The following MAF variants were observed in gnomAD, a reference collection of about 807,000 sequenced individuals.
The protein encoded by MAF is transcription factor Maf.
Under a neutral mutation model 22.0 loss-of-function variants are expected in MAF, and 10 were observed. The observed-to-expected ratio is 0.45, with a 90% confidence interval of 0.28 to 0.77. MAF has a LOEUF of 0.77. Ranked by LOEUF, MAF falls within the 30% of genes least tolerant of loss-of-function variation. The probability of loss-of-function intolerance (pLI) is 0.12; values close to 1 mark genes in which losing one functional copy is unlikely to be tolerated. For missense variants in MAF, 544 were observed against 548.4 expected (o/e 0.99, Z 0.08); for synonymous variants, 337 against 255.8 (o/e 1.32, Z -3.03).
chr16:79,546,502 T>C, the MAF span, among the ~76,000 whole-genome samples: 1 of 152,224 alleles, frequency 6.6e-6, no homozygotes, highest in Non-Finnish European at 1.5e-5. Context: ...AGCGTTCATC[T>C]TTATGGAAAT....
the MAF span, among the ~76,000 whole-genome samples, chr16:79,346,898 C>A: frequency 2.6e-5 from 4 of 152,124 alleles, no homozygotes; most frequent in African/African-American, 9.7e-5. Flanking sequence ...TAAGATTTAA[C>A]CTGCAGTCAA....
At chr16:79,558,291 G>C in the MAF span, among the ~76,000 whole-genome samples, 1 of 152,098 alleles carries the variant, frequency 6.6e-6, no homozygotes, top group African/African-American at 2.4e-5. Context: ...ACTATAAAGA[G>C]AAAGAAGAAA....
At chr16:79,478,973 C>T in the MAF span, among the ~76,000 whole-genome samples, 4 of 152,098 alleles carry the variant, frequency 2.6e-5, no homozygotes, top group Admixed American at 1.3e-4. Context: ...TGCACCCGTG[C>T]ACCACCTCAG....
the MAF span, among the ~76,000 whole-genome samples, chr16:79,233,678 T>C: frequency 6.6e-6 from 1 of 151,668 alleles, no homozygotes; most frequent in Non-Finnish European, 1.5e-5. Context: ...ATTTGAAAAA[T>C]GGTAGACAAG....
the MAF span, among the ~76,000 whole-genome samples, chr16:79,464,968 T>C: frequency 1.3e-5 from 2 of 152,148 alleles, no homozygotes; most frequent in African/African-American, 4.8e-5. Flanking sequence ...ATCTCAGCAA[T>C]GAGAAATGTG....
At chr16:79,313,491 G>T in the MAF span, among the ~76,000 whole-genome samples, 1 of 152,178 alleles carries the variant, frequency 6.6e-6, no homozygotes, top group African/African-American at 2.4e-5. Flanking sequence ...TGTAAAAACG[G>T]ACTGTTCCCA....
the MAF span, among the ~76,000 whole-genome samples, chr16:79,277,234 C>T: frequency 6.6e-6 from 1 of 152,084 alleles, no homozygotes; most frequent in Non-Finnish European, 1.5e-5. Flanking sequence ...TCATCTTAAC[C>T]TGATTACATC....
At chr16:79,315,730 G>A in the MAF span, among the ~76,000 whole-genome samples, 401 of 152,316 alleles carry the variant, frequency 2.6e-3, 8 homozygotes, top group Admixed American at 0.024. Context: ...AAGGTGAGGG[G>A]CAGAGAAGTA....
chr16:79,338,173 G>A, the MAF span, among the ~76,000 whole-genome samples: 3 of 152,196 alleles, frequency 2.0e-5, no homozygotes, highest in Non-Finnish European at 4.4e-5. Context: ...ACAGTGAAAT[G>A]CATATATGGA....
At chr16:79,346,438 A>C in the MAF span, among the ~76,000 whole-genome samples, 17 of 152,168 alleles carry the variant, frequency 1.1e-4, no homozygotes, top group African/African-American at 3.9e-4. Flanking sequence ...TACTGCTAAA[A>C]AATAAAAAAC....
At chr16:79,372,484 A>G in the MAF span, among the ~76,000 whole-genome samples, 1 of 152,198 alleles carries the variant, frequency 6.6e-6, no homozygotes, top group African/African-American at 2.4e-5. Flanking sequence ...ATATTAATAG[A>G]TATCTGAAAC....
At chr16:79,361,440 T>C in the MAF span, among the ~76,000 whole-genome samples, 1 of 152,198 alleles carries the variant, frequency 6.6e-6, no homozygotes, top group African/African-American at 2.4e-5. Flanking sequence ...GGCTGAGGCA[T>C]GGTGTTGAAG....
At chr16:79,333,366 A>G in the MAF span, among the ~76,000 whole-genome samples, 2 of 151,966 alleles carry the variant, frequency 1.3e-5, no homozygotes, top group Non-Finnish European at 2.9e-5. Context: ...TAGTCAGGAG[A>G]TTATAGGGGA....
chr16:79,438,031 G>C, the MAF span, among the ~76,000 whole-genome samples: 17 of 152,158 alleles, frequency 1.1e-4, no homozygotes, highest in Admixed American at 1.0e-3. Context: ...TTCTGGGGCT[G>C]GAATGCCATC....
At chr16:79,511,555 G>A in the MAF span, among the ~76,000 whole-genome samples, 6 of 152,208 alleles carry the variant, frequency 3.9e-5, no homozygotes, top group Non-Finnish European at 8.8e-5. Context: ...TGCATTTAGA[G>A]CCAGGAGAGA....
At chr16:79,272,068 T>C in the MAF span, among the ~76,000 whole-genome samples, 1 of 151,930 alleles carries the variant, frequency 6.6e-6, no homozygotes, top group Non-Finnish European at 1.5e-5. Context: ...TGTGAGCCAA[T>C]ACTTGGGTGG....
the MAF span, among the ~76,000 whole-genome samples, chr16:79,272,273 A>G: frequency 6.6e-6 from 1 of 152,178 alleles, no homozygotes; most frequent in East Asian, 1.9e-4. Context: ...CCAGGCGGAG[A>G]AGAGAAAAAC....
the MAF span, among the ~76,000 whole-genome samples, chr16:79,466,622 T>C: frequency 6.6e-6 from 1 of 152,228 alleles, no homozygotes; most frequent in African/African-American, 2.4e-5. Flanking sequence ...CAAAGATTTT[T>C]GGAATGCATG....
the MAF span, among the ~76,000 whole-genome samples, chr16:79,220,771 C>A: frequency 3.9e-5 from 6 of 152,200 alleles, no homozygotes; most frequent in African/African-American, 1.4e-4. Flanking sequence ...TTTTTCTGTG[C>A]TGCCTACACA....
Sources: gnomAD v4.1 joint callset for allele counts (sites outside exome capture counted in the v4.1 genomes callset) on GRCh38, gnomAD v4.1.1 for gene constraint, MANE v1.5 for transcripts, NCBI Gene and HGNC (gene_info 2026-07-23, HGNC 2026-07-21) for gene names.